The following E2F2 variants were observed in gnomAD, a reference collection of about 807,000 sequenced individuals.
E2F2 encodes E2F transcription factor 2, also known as transcription factor E2F2.
Under a neutral mutation model 42.2 loss-of-function variants are expected in E2F2, and 22 were observed. The observed-to-expected ratio is 0.52, with a 90% CI of 0.37 to 0.74. E2F2 has a LOEUF of 0.74. Among genes scored for constraint, E2F2 ranks in the 30% least tolerant of loss-of-function variants. The pLI, the probability that E2F2 is intolerant of heterozygous loss-of-function variation, is 0.00. For synonymous variants in E2F2, 248 were observed against 251.6 expected (o/e 0.99, Z 0.13); for missense variants, 481 against 557.8 (o/e 0.86, Z 1.39).
chr1:23,526,011 C>T (rs1008941443), intron 1 of E2F2, among the ~76,000 whole-genome samples: 1 of 152,012 alleles, frequency 6.6e-6, no homozygotes, highest in Non-Finnish European at 1.5e-5. Context: ...TCCCCTTCCC[C>T]CACTCCTGCC....
intron 4 of E2F2, 196 bp from the exon 5 acceptor site, chr1:23,519,326 T>C (rs927999094): frequency 1.3e-5 from 5 of 398,366 alleles, no homozygotes; most frequent in Non-Finnish European, 1.8e-5. Flanking sequence ...CAAATGGGAA[T>C]ATAAATCATA....
downstream of E2F2, among the ~76,000 whole-genome samples, chr1:23,506,266 T>C (rs1184407745): frequency 6.6e-6 from 1 of 152,072 alleles, no homozygotes; most frequent in Non-Finnish European, 1.5e-5. Context: ...AGTGCCTTAA[T>C]GGTGAGATTG....
At position 23,510,010 on chromosome 1, in the gene E2F2, G is replaced by A. The variant is rs886819893; in HGVS notation, c.1184C>T (p.Ala395Val). ...GAAGCTGATCAGAGGGGAGCTGCAC[G>A]CCAGGGTCGGGGACAGGAACTGGTC... The part of the protein sequence containing the change: ...TEDQFLSPTL[A>V]CSSPLISFSP... Residue 395 changes from alanine (A) to valine (V), a missense_variant, in exon 7 of 7, where the codon GCG (alanine) becomes GTG (valine). Coordinates refer to ENST00000361729, the MANE Select transcript of E2F2 (RefSeq NM_004091.4). 82 of 1,613,590 alleles carry A rather than the reference G, an allele frequency of 5.1e-5. No homozygotes were observed. The highest frequency in any genetic ancestry group is 6.4e-5 in the Non-Finnish European group (76 of 1,179,924).
Position 23,530,546 on chromosome 1 carries a change from A to AG in E2F2, c.247dup (p.Leu83ProfsTer19). Reference sequence around the variant, plus strand: ...GGTGGGGGCCCCCAGCATTACCGGCAGCCGGCCTGCCGGCAGGCATCGCAC... The same window carrying AG: ...GGTGGGGGCCCCCAGCATTACCGGCAGGCCGGCCTGCCGGCAGGCATCGCAC... On this transcript the variant is annotated frameshift_variant, in exon 1 of 7. Coordinates refer to ENST00000361729, the MANE Select transcript of E2F2 (RefSeq NM_004091.4). LOFTEE classifies it high-confidence loss of function. This position sits in a 1 kb window ranked among gnomAD's most constrained non-coding sequence, Gnocchi z 4.4. 1 of 1,610,018 alleles carries AG rather than the reference A, an allele frequency of 6.2e-7. No homozygotes were observed. The highest frequency in any genetic ancestry group is 8.5e-7 in the Non-Finnish European group (1 of 1,178,412).
At chr1:23,516,219 G>A in intron 6 of E2F2, 116 bp downstream of exon 6, 1 of 1,315,450 alleles carries the variant, frequency 7.6e-7, no homozygotes, top group South Asian at 1.9e-5. Context: ...GGGGTAGGAT[G>A]ACTACATCCC....
At position 23,530,528 on chromosome 1, in the gene E2F2, G is replaced by A. The variant is rs1014284121; in HGVS notation, c.252+14C>T. Reference sequence around the variant, plus strand: ...AAAAGCATAGGGGGAAGCGGTGGGGGCCCCCAGCATTACCGGCAGCCGGCC... The same window carrying A: ...AAAAGCATAGGGGGAAGCGGTGGGGACCCCCAGCATTACCGGCAGCCGGCC... On this transcript the variant is annotated intron_variant, in intron 1 of 6. Coordinates refer to ENST00000361729, the MANE Select transcript of E2F2 (RefSeq NM_004091.4). This position sits in a 1 kb window ranked among gnomAD's most constrained non-coding sequence, Gnocchi z 4.4. 2 of 1,610,188 alleles carry A rather than the reference G, an allele frequency of 1.2e-6. No individual in the cohort carries two copies. Among genetic ancestry groups the A allele is most frequent in the Non-Finnish European group, 1.7e-6 (2 of 1,178,552 alleles).
intron 6 of E2F2, among the ~76,000 whole-genome samples, chr1:23,513,754 TGGCCC>T (rs1205411327): frequency 6.6e-6 from 1 of 152,002 alleles, no homozygotes; most frequent in East Asian, 1.9e-4. Context: ...ACATGAGAGC[TGGCCC>T]CACCAGACTG....
At chr1:23,514,833 CAAAAAAAAA>C (rs74604082) in intron 6 of E2F2, among the ~76,000 whole-genome samples, 6 of 46,752 alleles carry the variant, frequency 1.3e-4, no homozygotes, top group African/African-American at 4.3e-4. Flanking sequence ...GAGACTGTCT[CAAAAAAAAA>C]AAAAAAAAAA....
intron 6 of E2F2, among the ~76,000 whole-genome samples, chr1:23,514,286 A>AG (rs1448031593): frequency 6.6e-6 from 1 of 152,122 alleles, no homozygotes; most frequent in Non-Finnish European, 1.5e-5. Flanking sequence ...GATGGACCAG[A>AG]GGGTGGGGCA....
intron 6 of E2F2, among the ~76,000 whole-genome samples, chr1:23,515,256 G>A (rs1356640555): frequency 2.0e-5 from 3 of 152,254 alleles, no homozygotes; most frequent in African/African-American, 4.8e-5. Context: ...GGCCTTTACA[G>A]GCTTCCATTT....
At chr1:23,521,118 A>G (rs2124242922) in intron 3 of E2F2, 47 bp from the exon 4 acceptor site, 1 of 1,537,852 alleles carries the variant, frequency 6.5e-7, no homozygotes, top group Non-Finnish European at 8.7e-7. Flanking sequence ...GTGAAACTCC[A>G]GAACAAGGTC....
intron 6 of E2F2, among the ~76,000 whole-genome samples, chr1:23,513,610 G>C (rs919728441): frequency 2.1e-5 from 3 of 141,638 alleles, no homozygotes; most frequent in African/African-American, 5.3e-5. Context: ...GTGTGTGTGT[G>C]TCTGTGCAGG....
At chr1:23,520,565 G>A (rs1281395167) in intron 4 of E2F2, among the ~76,000 whole-genome samples, 1 of 151,976 alleles carries the variant, frequency 6.6e-6, no homozygotes, top group Non-Finnish European at 1.5e-5. Context: ...GCAACAAAGC[G>A]AGACCCTGTC....
chr1:23,521,634 C>T (rs1238691975), intron 3 of E2F2: 3 of 985,316 alleles, frequency 3.0e-6, no homozygotes, highest in African/African-American at 1.7e-5. Context: ...AGCAGGTACA[C>T]GGCGCTCTTC....
chr1:23,510,048 C>T lies in E2F2; in HGVS notation c.1146G>A (p.Leu382=). Reference sequence around the variant, plus strand: ...ACAGGAACTGGTCCTCAGTCTGCTGCAGGAGTGGGTGCGGCAGCTCCAGCA... The same window carrying T: ...ACAGGAACTGGTCCTCAGTCTGCTGTAGGAGTGGGTGCGGCAGCTCCAGCA... ...DSLLELPHPL[L]QQTEDQFLSP... Residue 382 remains leucine (L), a synonymous_variant, in exon 7 of 7, where the codon CTG becomes CTA. Transcript: ENST00000361729. 6.2e-7 allele frequency: 1 copy of T among 1,612,666 alleles called. No homozygotes were observed. The highest frequency in any genetic ancestry group is 1.3e-5 in the African/African-American group (1 of 75,030).
chr1:23,517,816 A>C (rs1482367779), intron 5 of E2F2, among the ~76,000 whole-genome samples: 1 of 152,232 alleles, frequency 6.6e-6, no homozygotes, highest in Non-Finnish European at 1.5e-5. Flanking sequence ...TGTAGGATGA[A>C]TAGCGGTAAA....
intron 1 of E2F2, among the ~76,000 whole-genome samples, chr1:23,525,264 C>T (rs542327823): frequency 6.6e-6 from 1 of 152,188 alleles, no homozygotes; most frequent in South Asian, 2.1e-4. Context: ...AACCACAGAC[C>T]CATCTGCTCC....
intron 3 of E2F2, chr1:23,521,470 C>A: frequency 2.4e-6 from 2 of 849,854 alleles, no homozygotes; most frequent in Non-Finnish European, 2.8e-6. Context: ...AGTCCGGGAT[C>A]CCCCTACTTA....
intron 4 of E2F2, among the ~76,000 whole-genome samples, chr1:23,520,421 G>A (rs976295866): frequency 1.3e-5 from 2 of 151,956 alleles, no homozygotes; most frequent in Non-Finnish European, 1.5e-5. Flanking sequence ...AATTTACTTG[G>A]CTTATTTTCA....
Sources: gnomAD v4.1 joint callset for allele counts (sites outside exome capture counted in the v4.1 genomes callset) on GRCh38, gnomAD v4.1.1 for gene constraint, Gnocchi (gnomAD v3.1) non-coding constraint, MANE v1.5 for transcripts, NCBI Gene and HGNC (gene_info 2026-07-23, HGNC 2026-07-21) for gene names.